Variants in SYN3 observed in about 807,000 individuals in gnomAD.
SYN3 encodes the protein synapsin III.
In SYN3, 35 loss-of-function variants were observed where a neutral mutation model predicts 65.8. The observed-to-expected ratio is 0.53, with a 90% CI of 0.41 to 0.70. SYN3 has a LOEUF of 0.70. SYN3 is among the 30% of genes least tolerant of loss of function. The pLI is 0.00. For synonymous variants in SYN3, 270 were observed against 292.9 expected, an observed-to-expected ratio of 0.92 and a Z score of 0.80; for missense variants, 680 against 749.0, an observed-to-expected ratio of 0.91 and a Z score of 1.08.
rs148949710 is a variant in SYN3 at position 32,581,827 on chromosome 22, C to T, written c.774+14847G>A. 8.1e-3 allele frequency among the ~76,000 whole-genome samples: 967 copies of T among 119,468 alleles called. 17 individuals are homozygous for T. The highest frequency in any genetic ancestry group is 0.03 in the African/African-American group (933 of 31,442). 78.4% of individuals were successfully genotyped at this position (119,468 alleles called of 152,430 possible). A position where few individuals can be genotyped will look rare whatever the true frequency, so the allele number is the denominator to read the frequency against. ...TTTTTTTTTTTTTGAGACAGAGTCT[C>T]ACTCTGTGGCCCAGGTTGGAGTGCG... On this transcript the variant is annotated intron_variant, in intron 7 of 13. Coordinates refer to ENST00000358763, the MANE Select transcript of SYN3 (RefSeq NM_003490.4).
intron 3 of SYN3, among the ~76,000 whole-genome samples, chr22:32,952,630 C>A (rs11913943): frequency 0.014 from 2,104 of 152,110 alleles, 54 homozygotes; most frequent in African/African-American, 0.047. Context: ...GTGGTGCATG[C>A]CTATCGTCCT....
chr22:32,890,072 C>CTTTTTTTTT (rs5845051), intron 4 of SYN3, among the ~76,000 whole-genome samples: 9 of 58,294 alleles, frequency 1.5e-4, no homozygotes, highest in East Asian at 6.4e-4. Flanking sequence ...GATTTAGCTG[C>CTTTTTTTTT]TTTTTTTTTT....
intron 6 of SYN3, among the ~76,000 whole-genome samples, chr22:32,778,443 C>T (rs58022867): frequency 0.011 from 1,473 of 137,166 alleles, 30 homozygotes; most frequent in African/African-American, 0.041. Flanking sequence ...CACACGCCAC[C>T]ATGTCCAGCT....
At chr22:32,569,924 A>G (rs948842657) in intron 7 of SYN3, among the ~76,000 whole-genome samples, 5 of 152,202 alleles carry the variant, frequency 3.3e-5, no homozygotes, top group African/African-American at 1.2e-4. Flanking sequence ...AAAGGTATCT[A>G]GAGATTTTGT....
chr22:32,753,646 C>T (rs1602061778), intron 6 of SYN3, among the ~76,000 whole-genome samples: 1 of 152,268 alleles, frequency 6.6e-6, no homozygotes, highest in East Asian at 1.9e-4. Context: ...AGAAGCCCCA[C>T]ACTCCAAAGG....
At chr22:32,590,913 C>T (rs1291744730) in intron 7 of SYN3, among the ~76,000 whole-genome samples, 1 of 152,198 alleles carries the variant, frequency 6.6e-6, no homozygotes, top group Non-Finnish European at 1.5e-5. Context: ...CATATCTCCC[C>T]TACTGACTTA....
At chr22:32,843,571 G>A (rs968210830) in intron 6 of SYN3, among the ~76,000 whole-genome samples, 2 of 152,170 alleles carry the variant, frequency 1.3e-5, no homozygotes, top group African/African-American at 2.4e-5. Flanking sequence ...AAATACACAC[G>A]AAGGGGCCGT....
chr22:32,694,586 A>G (rs2060710915), intron 6 of SYN3, among the ~76,000 whole-genome samples: 1 of 152,192 alleles, frequency 6.6e-6, no homozygotes. Context: ...CTGCCTCCAC[A>G]GCTGAAGGCA....
At chr22:32,628,862 T>C (rs545910376) in intron 6 of SYN3, among the ~76,000 whole-genome samples, 1 of 152,190 alleles carries the variant, frequency 6.6e-6, no homozygotes, top group African/African-American at 2.4e-5. Context: ...GCTTTCAATT[T>C]CCCTCGTTGT....
chr22:32,963,667 T>C (rs1156789436), intron 3 of SYN3, among the ~76,000 whole-genome samples: 4 of 152,104 alleles, frequency 2.6e-5, no homozygotes, highest in Non-Finnish European at 5.9e-5. Context: ...CCAATGTCTC[T>C]CATGGGGACC....
intron 2 of SYN3, among the ~76,000 whole-genome samples, chr22:32,987,900 A>G (rs2052575756): frequency 6.6e-6 from 1 of 152,218 alleles, no homozygotes; most frequent in Non-Finnish European, 1.5e-5. Context: ...AAAAATAAAT[A>G]AATAAACAGA....
At chr22:32,530,528 T>C (rs2058050857) in intron 10 of SYN3, among the ~76,000 whole-genome samples, 1 of 151,590 alleles carries the variant, frequency 6.6e-6, no homozygotes, top group South Asian at 2.1e-4. Flanking sequence ...TGGCTTCTGC[T>C]GTGTATTTGC....
At chr22:32,849,471 G>A (rs1243687379) in intron 6 of SYN3, 3 of 1,613,776 alleles carry the variant, frequency 1.9e-6, no homozygotes, top group Admixed American at 3.3e-5. Flanking sequence ...CCAAGGTGGT[G>A]GGGAAGAAGC....
chr22:32,785,941 C>G (rs2046182220), intron 6 of SYN3, among the ~76,000 whole-genome samples: 1 of 151,940 alleles, frequency 6.6e-6, no homozygotes, highest in Non-Finnish European at 1.5e-5. Context: ...TTGCTTTTGC[C>G]TATGAGACTT....
chr22:33,026,947 C>T (rs74621969), intron 1 of SYN3, among the ~76,000 whole-genome samples: 1,788 of 152,222 alleles, frequency 0.012, 41 homozygotes, highest in African/African-American at 0.041. Context: ...TTGGGAACTC[C>T]GTCTTTCTTC....
intron 7 of SYN3, among the ~76,000 whole-genome samples, chr22:32,569,503 G>A (rs1875908765): frequency 6.7e-6 from 1 of 148,152 alleles, no homozygotes; most frequent in African/African-American, 2.5e-5. Context: ...TATCTAAAAT[G>A]TATCATCTAT....
At chr22:32,744,813 C>A (rs5998611) in intron 6 of SYN3, among the ~76,000 whole-genome samples, 1 of 152,148 alleles carries the variant, frequency 6.6e-6, no homozygotes, top group South Asian at 2.1e-4. Context: ...CGATTGCCCA[C>A]GCAGCAGGGT....
intron 6 of SYN3, chr22:32,858,253 TA>T: frequency 1.4e-6 from 2 of 1,475,386 alleles, no homozygotes; most frequent in Non-Finnish European, 1.8e-6. Context: ...ATGCATGTGT[TA>T]GGCCAGGGCA....
chr22:32,899,645 T>C (rs2049703549), intron 4 of SYN3, among the ~76,000 whole-genome samples: 1 of 152,214 alleles, frequency 6.6e-6, no homozygotes, highest in Non-Finnish European at 1.5e-5. Context: ...TTAAATTAGC[T>C]TGGAAACACC....
Sources: allele counts gnomAD v4.1 joint callset (sites outside exome capture counted in the v4.1 genomes callset), GRCh38; gene constraint gnomAD v4.1.1; transcripts MANE v1.5; gene names NCBI Gene and HGNC (gene_info 2026-07-23, HGNC 2026-07-21).